Variants in FLG2 observed in about 807,000 individuals in gnomAD.
The protein encoded by FLG2 is filaggrin 2.
Under a neutral mutation model 3.9 loss-of-function variants are expected in FLG2, and 7 were observed. That is an observed-to-expected ratio of 1.79 (90% CI 1.02 to 3.36). The LOEUF is 3.36. FLG2 is among the 30% of genes most tolerant of loss of function. The probability of loss-of-function intolerance (pLI) is 0.00; values close to 1 mark genes in which losing one functional copy is unlikely to be tolerated. For missense variants in FLG2, 2,700 were observed against 2,809.4 expected (o/e 0.96, Z 0.88); for synonymous variants, 1,031 against 1,056.1 (o/e 0.98, Z 0.46).
At chr1:152,358,945 C>T (rs1034102528) in intron 1 of FLG2, 39 bp from the exon 2 acceptor site, 3 of 1,522,512 alleles carry the variant, frequency 2.0e-6, no homozygotes, top group African/African-American at 2.8e-5. Flanking sequence ...TATTCATATT[C>T]TCTCCTTTTA....
In FLG2 at chr1:152,355,624, T is replaced by A. The variant is rs747752381; in HGVS notation, c.2162A>T (p.Gln721Leu). ...AGACTGACCTGAGCTTAACTCGTGT[T>A]GTCCAAATCCAGATGTCTGTCCTGA... ...SSSGQTSGFG[Q>L]HELSSGQSSS... Residue 721 changes from glutamine (Q) to leucine (L), a missense_variant, in exon 3 of 3, where the codon CAA (glutamine) becomes CTA (leucine). Transcript: ENST00000388718. 1.5e-5 allele frequency: 24 copies of A among 1,613,434 alleles called. No individual in the cohort carries two copies. The highest frequency in any genetic ancestry group is 1.9e-5 in the Non-Finnish European group (23 of 1,179,932).
chr1:152,353,720 G>A lies in FLG2; in HGVS notation c.4066C>T (p.His1356Tyr), dbSNP rs1654070248. 4 of 1,614,134 alleles carry A rather than the reference G, an allele frequency of 2.5e-6. No individual in the cohort carries two copies. Among genetic ancestry groups the A allele is most frequent in the Non-Finnish European group, 3.4e-6 (4 of 1,180,022 alleles). ...SHSDATDSEV[H>Y]SGVSHRPHSQ... ...TGTGGTCTATGTGAGACCCCTGAGT[G>A]CACTTCACTGTCAGTGGCATCACTG... Residue 1356 changes from histidine to tyrosine, a missense_variant, in exon 3 of 3, where the codon CAC (histidine) becomes TAC (tyrosine). Transcript: ENST00000388718.
chr1:152,356,113 T>A lies in FLG2; in HGVS notation c.1673A>T (p.Gln558Leu). Residue 558 changes from glutamine to leucine, a missense_variant, in exon 3 of 3, where the codon CAA (glutamine) becomes CTA (leucine). Transcript: ENST00000388718. ...GCCAGATGTCTCTCTAGACCCATATTGGCCATAGCCAGATGATTGACTTGA... is the reference window on the plus strand; with the variant it reads ...GCCAGATGTCTCTCTAGACCCATATAGGCCATAGCCAGATGATTGACTTGA... Reference protein sequence around the residue: ...SGSSQSSGYGQYGSRETSGFG... With the variant: ...SGSSQSSGYGLYGSRETSGFG... The A allele has an allele frequency of 6.2e-7, 1 of 1,613,278 alleles. No homozygotes were observed. The highest frequency in any genetic ancestry group is 8.5e-7 in the Non-Finnish European group (1 of 1,179,924).
At chr1:152,357,762 C>T (rs376527116) in intron 2 of FLG2, 115 bp from the exon 3 acceptor site, 10 of 734,676 alleles carry the variant, frequency 1.4e-5, no homozygotes, top group African/African-American at 1.2e-4. Context: ...AGTTTTAGTC[C>T]AATAAAGGAT....
At position 152,354,089 on chromosome 1, in the gene FLG2, G is replaced by T. The variant is rs1341034205; in HGVS notation, c.3697C>A (p.His1233Asn). The change falls in exon 3 of 3, where the codon CAT (histidine) becomes AAT (asparagine). Residue 1233 changes from histidine (H) to asparagine (N), a missense_variant. His to Asn is a moderately conservative substitution (Grantham distance 68). Transcript: ENST00000388718. ...CCATGAGTAGTTTCCTGTCTCCCAT[G>T]AACTGTGGATCCTGACTCTACTTGT... ...SQQVESGSTV[H>N]GRQETTHGQT... is the part of the protein sequence containing the mutation. The T allele has an allele frequency of 6.2e-7, 1 of 1,614,248 alleles. No individual in the cohort carries two copies. Among genetic ancestry groups the T allele is most frequent in the South Asian group, 1.1e-5 (1 of 91,084 alleles).
chr1:152,359,376 GA>G (rs1219387958), intron 1 of FLG2, among the ~76,000 whole-genome samples: 3 of 152,134 alleles, frequency 2.0e-5, no homozygotes, highest in Admixed American at 6.6e-5. Flanking sequence ...AGCTAAACTG[GA>G]CCCTTAAGGC....
At chr1:152,359,127 T>C (rs180824738) in intron 1 of FLG2, among the ~76,000 whole-genome samples, 1 of 152,312 alleles carries the variant, frequency 6.6e-6, no homozygotes, top group East Asian at 1.9e-4. Context: ...ATGTTACTGG[T>C]TCAACTGAGA....
chr1:152,359,836 G>A (rs1654383332), intron 1 of FLG2, 120 bp downstream of exon 1: 1 of 151,972 alleles, frequency 6.6e-6, no homozygotes, highest in Non-Finnish European at 1.5e-5. Flanking sequence ...ATGAAAGAAA[G>A]AAACAAAAAA....
Position 152,351,568 on chromosome 1 carries a change from T to C in FLG2, c.6218A>G (p.His2073Arg). 2 of 1,612,736 alleles carry C rather than the reference T, an allele frequency of 1.2e-6. No homozygotes were observed. Among genetic ancestry groups the C allele is most frequent in the Non-Finnish European group, 1.7e-6 (2 of 1,179,760 alleles). ...TCTAGTGGTATCTCCTGTCTGTCCA[T>C]GAGTAGTTCCGTGTCTCTCATGAAC... ...SSVHERHGTT[H>R]GQTGDTTRHA... is the part of the protein sequence containing the mutation. The change falls in exon 3 of 3, where the codon CAT becomes CGT. Residue 2073 changes from histidine (H) to arginine (R), a missense_variant. Transcript: ENST00000388718.
At position 152,358,814 on chromosome 1, in the gene FLG2, T is replaced by TC. The variant is rs1654345919; in HGVS notation, c.70dup (p.Glu24GlyfsTer9). 1 of 1,614,050 alleles carries TC rather than the reference T, an allele frequency of 6.2e-7. No individual in the cohort carries two copies. Among genetic ancestry groups the TC allele is most frequent in the Non-Finnish European group, 8.5e-7 (1 of 1,179,922 alleles). On this transcript the variant is annotated frameshift_variant, in exon 2 of 3. Transcript: ENST00000388718. LOFTEE classifies it high-confidence loss of function. Reference sequence around the variant, plus strand: ...TTCACCCTTGCTCAGTGTGCCACACTCCCCATCTTGCTTGGTGTATTTGTA... The same window carrying TC: ...TTCACCCTTGCTCAGTGTGCCACACTCCCCCATCTTGCTTGGTGTATTTGTA...
Position 152,350,091 on chromosome 1 carries a change from T to C in FLG2, c.*519A>G, listed in dbSNP as rs528211978. ...CATCTCTTGATGGCCCATGACTTAA[T>C]ACCTATCTGGCAAAACCTGTGCTGG... On this transcript the variant is annotated 3_prime_UTR_variant, in exon 3 of 3. Coordinates refer to ENST00000388718, the MANE Select transcript of FLG2 (RefSeq NM_001014342.3). 1.2e-5 allele frequency: 2 copies of C among 165,740 alleles called. No homozygotes were observed. Among genetic ancestry groups the C allele is most frequent in the South Asian group, 3.0e-4 (2 of 6,598 alleles). 10.3% of individuals were successfully genotyped at this position (165,740 alleles called of 1,614,324 possible).
Position 152,351,288 on chromosome 1 carries a change from T to G in FLG2, c.6498A>C (p.Thr2166=), listed in dbSNP as rs1653908270. Residue 2166 remains threonine (T), a synonymous_variant, in exon 3 of 3, where the codon ACA becomes ACC. Coordinates refer to ENST00000388718, the MANE Select transcript of FLG2 (RefSeq NM_001014342.3). ...RHGQSGHGQS[T]QTGSRTTGRQ... is the part of the protein sequence containing the mutation. ...TTCCAGTTGTCCTGGAACCTGTCTG[T>G]GTGGACTGTCCATGACCAGACTGGC... The G allele has an allele frequency of 6.2e-7, 1 of 1,613,934 alleles. No homozygotes were observed. The highest frequency in any genetic ancestry group is 1.3e-5 in the African/African-American group (1 of 74,858).
Position 152,356,747 on chromosome 1 carries a change from T to C in FLG2, c.1039A>G (p.Ser347Gly). 6.2e-7 allele frequency: 1 copy of C among 1,614,190 alleles called. No homozygotes were observed. The highest frequency in any genetic ancestry group is 8.5e-7 in the Non-Finnish European group (1 of 1,180,028). The change falls in exon 3 of 3, where the codon AGT becomes GGT. Residue 347 changes from serine (S) to glycine (G), a missense_variant. Transcript: ENST00000388718. ...GCGQPESNPC[S>G]QSYSQRGYGA... Reference sequence around the variant, plus strand: ...TATCCTCTCTGACTATAGGACTGACTACAGGGGTTAGACTCAGGTTGACCA... The same window carrying C: ...TATCCTCTCTGACTATAGGACTGACCACAGGGGTTAGACTCAGGTTGACCA...
In FLG2 at chr1:152,355,054, C is replaced by G; in HGVS notation, c.2732G>C (p.Gly911Ala). The change falls in exon 3 of 3, where the codon GGA (glycine) becomes GCA (alanine). Residue 911 changes from glycine (G) to alanine (A), a missense_variant. Physicochemically the swap from Gly to Ala is moderately conservative, Grantham distance 60. Coordinates refer to ENST00000388718, the MANE Select transcript of FLG2 (RefSeq NM_001014342.3). ...CTGATGTGATCTAGACTCATGTTGTCCAAAACCAGAGTATTGTCCTGAGCC... is the reference window on the plus strand; with the variant it reads ...CTGATGTGATCTAGACTCATGTTGTGCAAAACCAGAGTATTGTCCTGAGCC... ...GTGSGQYSGF[G>A]QHESRSHQSS... 6.5e-7 allele frequency: 1 copy of G among 1,547,220 alleles called. No individual in the cohort carries two copies. The highest frequency in any genetic ancestry group is 8.7e-7 in the Non-Finnish European group (1 of 1,148,842).
rs1366427648 is a variant in FLG2, at chr1:152,357,619, A to C, written c.167T>G (p.Val56Gly). ...ATCTCGATCCAGCATATGCATGATGACATCCACTGTGTCTGGATCATCTGG... is the reference window on the plus strand; with the variant it reads ...ATCTCGATCCAGCATATGCATGATGCCATCCACTGTGTCTGGATCATCTGG... ...KNPDDPDTVD[V>G]IMHMLDRDHD... The change falls in exon 3 of 3, where the codon GTC (valine) becomes GGC (glycine). Residue 56 changes from valine (V) to glycine (G), a missense_variant. Coordinates refer to ENST00000388718, the MANE Select transcript of FLG2 (RefSeq NM_001014342.3). 6.2e-7 allele frequency: 1 copy of C among 1,613,620 alleles called. No homozygotes were observed. Among genetic ancestry groups the C allele is most frequent in the Non-Finnish European group, 8.5e-7 (1 of 1,179,726 alleles).
At position 152,354,892 on chromosome 1, in the gene FLG2, C is replaced by A. The variant is rs571867232; in HGVS notation, c.2894G>T (p.Gly965Val). The change falls in exon 3 of 3, where the codon GGA becomes GTA. Residue 965 changes from glycine (G) to valine (V), a missense_variant. By Grantham distance (109) the Gly-to-Val change is moderately radical. Transcript: ENST00000388718. ...GCCAGAGGACTGACCTGAGCCTGAT[C>A]CATGTTGGCCAAAGCCAGAGGATTG... Reference protein sequence around the residue: ...SGQSSGFGQHGSGSGQSSGFG... With the variant: ...SGQSSGFGQHVSGSGQSSGFG... 1.2e-4 allele frequency: 192 copies of A among 1,613,732 alleles called. 5 individuals are homozygous for A. In the South Asian group the frequency reaches 2.0e-3, roughly 17 times the overall value.
At chr1:152,359,567 G>C (rs911862652) in intron 1 of FLG2, among the ~76,000 whole-genome samples, 1 of 152,096 alleles carries the variant, frequency 6.6e-6, no homozygotes, top group African/African-American at 2.4e-5. Flanking sequence ...TTAACTAGTG[G>C]ATAATTAGAT....
In FLG2 at chr1:152,353,580, G is replaced by A. The variant is rs759388713; in HGVS notation, c.4206C>T (p.Gly1402=). The A allele has an allele frequency of 1.2e-6, 2 of 1,613,984 alleles. No homozygotes were observed. Among genetic ancestry groups the A allele is most frequent in the East Asian group, 2.2e-5 (1 of 44,858 alleles). Residue 1402 remains glycine (G), a synonymous_variant, in exon 3 of 3, where the codon GGC becomes GGT. Transcript: ENST00000388718. ...YGQTGEATGH[G]HSGHGQSTQR... ...GTGTGGACTGTCCATGACCAGAGTG[G>A]CCATGTCCAGTGGCCTCTCCTGTCT...
Position 152,356,062 on chromosome 1 carries a change from C to A in FLG2, c.1724G>T (p.Gly575Val). Residue 575 changes from glycine to valine, a missense_variant, in exon 3 of 3, where the codon GGT (glycine) becomes GTT (valine). Coordinates refer to ENST00000388718, the MANE Select transcript of FLG2 (RefSeq NM_001014342.3). ...ATATTGGCCAAAGCCAGTGGATTGA[C>A]CTGAGCCCAACCCATGTTGTCCAAA... ...SGFGQHGLGS[G>V]QSTGFGQYGS... The A allele has an allele frequency of 6.2e-7, 1 of 1,613,916 alleles. No individual in the cohort carries two copies. The highest frequency in any genetic ancestry group is 8.5e-7 in the Non-Finnish European group (1 of 1,179,982).
Sources: gnomAD v4.1 joint callset for allele counts (sites outside exome capture counted in the v4.1 genomes callset) on GRCh38, gnomAD v4.1.1 for gene constraint, MANE v1.5 for transcripts, NCBI Gene and HGNC (gene_info 2026-07-23, HGNC 2026-07-21) for gene names.